Variants in ELF2 observed in about 807,000 individuals in gnomAD.
The protein encoded by ELF2 is ETS-related transcription factor Elf-2.
In ELF2, 11 loss-of-function variants were observed where a neutral mutation model predicts 54.8. The observed-to-expected ratio is 0.20, with a 90% CI of 0.13 to 0.33. The LOEUF is 0.33. Ranked by LOEUF, ELF2 falls within the 10% of genes least tolerant of loss-of-function variation. The pLI, the probability that ELF2 is intolerant of heterozygous loss-of-function variation, is 1.00. For missense variants in ELF2, 513 were observed against 703.0 expected (o/e 0.73, Z 3.06); for synonymous variants, 203 against 245.1 (o/e 0.83, Z 1.61).
chr4:139,130,104 A>G (rs1737340305), intron 3 of ELF2, among the ~76,000 whole-genome samples: 1 of 152,042 alleles, frequency 6.6e-6, no homozygotes, highest in Non-Finnish European at 1.5e-5. Flanking sequence ...AGACACACAA[A>G]TGGGAAGGAA....
intron 3 of ELF2, among the ~76,000 whole-genome samples, chr4:139,135,409 C>T (rs1235305930): frequency 2.6e-5 from 4 of 151,926 alleles, no homozygotes; most frequent in African/African-American, 9.7e-5. Flanking sequence ...TTCTCTCTTC[C>T]TGCAATTCTC....
chr4:139,125,129 A>G (rs200810640), intron 4 of ELF2, 35 bp downstream of exon 4: 21 of 1,573,742 alleles, frequency 1.3e-5, no homozygotes, highest in Non-Finnish European at 1.8e-5. Context: ...AAAATGAGAA[A>G]GTTATAAATA....
At chr4:139,134,896 G>C (rs188879823) in intron 3 of ELF2, among the ~76,000 whole-genome samples, 84 of 151,408 alleles carry the variant, frequency 5.5e-4, no homozygotes, top group African/African-American at 1.8e-3. Flanking sequence ...GTCATATTTG[G>C]TACTTTGAAT....
At chr4:139,164,729 G>GT (rs1167765593) in intron 1 of ELF2, among the ~76,000 whole-genome samples, 20 of 152,138 alleles carry the variant, frequency 1.3e-4, no homozygotes, top group African/African-American at 4.8e-4. Context: ...ATTGCAAGAG[G>GT]TTTTTATGTT....
chr4:139,146,640 T>A (rs2148875904), intron 1 of ELF2, among the ~76,000 whole-genome samples: 2 of 152,250 alleles, frequency 1.3e-5, no homozygotes, highest in East Asian at 3.9e-4. Context: ...CAGGCTATAG[T>A]TAACAAAACA....
At chr4:139,072,183 G>A in intron 5 of ELF2, 144 bp from the exon 6 acceptor site, 1 of 725,362 alleles carries the variant, frequency 1.4e-6, no homozygotes, top group Non-Finnish European at 2.2e-6. Context: ...TTAATTTGCT[G>A]AATATTCGAT....
intron 4 of ELF2, among the ~76,000 whole-genome samples, chr4:139,095,385 A>T (rs1406389422): frequency 6.6e-6 from 1 of 151,926 alleles, no homozygotes; most frequent in Non-Finnish European, 1.5e-5. Context: ...GAGTTTCGCC[A>T]TGTTGGCCAG....
chr4:139,118,697 T>TA, intron 4 of ELF2, among the ~76,000 whole-genome samples: 1 of 151,768 alleles, frequency 6.6e-6, no homozygotes, highest in Middle Eastern at 3.4e-3. Flanking sequence ...TTTTTTTTTT[T>TA]AAGTGGAAGC....
At chr4:139,132,737 C>T (rs201537334) in intron 3 of ELF2, among the ~76,000 whole-genome samples, 27 of 151,030 alleles carry the variant, frequency 1.8e-4, no homozygotes, top group African/African-American at 6.3e-4. Flanking sequence ...CCTTCCTTTC[C>T]GTTCCATTAC....
chr4:139,151,096 A>G (rs7656626), intron 1 of ELF2, among the ~76,000 whole-genome samples: 5,358 of 127,620 alleles, frequency 0.042, 278 homozygotes, highest in African/African-American at 0.057. Context: ...AAGAAAGAAA[A>G]AGAGAGCTAT....
At chr4:139,112,063 G>A (rs1445315374) in intron 4 of ELF2, among the ~76,000 whole-genome samples, 2 of 152,054 alleles carry the variant, frequency 1.3e-5, no homozygotes, top group Non-Finnish European at 2.9e-5. Context: ...AGACTTATCT[G>A]ATCCAAGAAA....
intron 1 of ELF2, among the ~76,000 whole-genome samples, chr4:139,164,059 A>G (rs866687049): frequency 1.2e-4 from 17 of 147,024 alleles, no homozygotes; most frequent in Middle Eastern, 3.2e-3. Context: ...TGAGAGAGAA[A>G]GAGTGGGGGT....
chr4:139,082,979 C>T (rs987149418), intron 4 of ELF2, among the ~76,000 whole-genome samples: 11 of 152,214 alleles, frequency 7.2e-5, no homozygotes, highest in African/African-American at 2.2e-4. Flanking sequence ...TCCGTGTTTA[C>T]ACTCCTCTTC....
intron 4 of ELF2, among the ~76,000 whole-genome samples, chr4:139,081,251 T>C (rs974006274): frequency 2.0e-5 from 3 of 152,164 alleles, no homozygotes; most frequent in African/African-American, 4.8e-5. Flanking sequence ...GCTTATTTAT[T>C]TCATCCTTTA....
At chr4:139,138,990 C>T (rs1052911767) in intron 2 of ELF2, among the ~76,000 whole-genome samples, 3 of 151,982 alleles carry the variant, frequency 2.0e-5, no homozygotes, top group African/African-American at 7.2e-5. Flanking sequence ...TTCATGTATA[C>T]AAAAATTTTC....
At chr4:139,110,999 C>T (rs992237038) in intron 4 of ELF2, among the ~76,000 whole-genome samples, 5 of 152,054 alleles carry the variant, frequency 3.3e-5, no homozygotes, top group African/African-American at 1.2e-4. Context: ...TTTAGTAGTA[C>T]ATACTTATTA....
chr4:139,090,649 T>C (rs966288200), intron 4 of ELF2, among the ~76,000 whole-genome samples: 8 of 152,168 alleles, frequency 5.3e-5, no homozygotes, highest in Non-Finnish European at 8.8e-5. Flanking sequence ...TGCGGGAGTA[T>C]AGTGGTATCA....
chr4:139,103,418 G>T (rs1365856756), intron 4 of ELF2, among the ~76,000 whole-genome samples: 1 of 152,168 alleles, frequency 6.6e-6, no homozygotes, highest in Non-Finnish European at 1.5e-5. Flanking sequence ...CGGGAAACAG[G>T]GCTGAAGGTT....
At chr4:139,113,352 T>C (rs1427828596) in intron 4 of ELF2, among the ~76,000 whole-genome samples, 1 of 152,120 alleles carries the variant, frequency 6.6e-6, no homozygotes, top group Non-Finnish European at 1.5e-5. Context: ...AGAGAGACCC[T>C]GTCTCAAAAT....
Sources: gnomAD v4.1 joint callset for allele counts (sites outside exome capture counted in the v4.1 genomes callset) on GRCh38, gnomAD v4.1.1 for gene constraint, MANE v1.5 for transcripts, NCBI Gene and HGNC (gene_info 2026-07-23, HGNC 2026-07-21) for gene names.